The following ADAMTS2 variants were observed in gnomAD, a reference collection of about 807,000 sequenced individuals.
ADAMTS2 encodes the protein A disintegrin and metalloproteinase with thrombospondin motifs 2.
Under a neutral mutation model 123.0 loss-of-function variants are expected in ADAMTS2, and 50 were observed. The observed-to-expected ratio is 0.41, with a 90% confidence interval of 0.32 to 0.51. ADAMTS2 has a LOEUF of 0.51. Among genes scored for constraint, ADAMTS2 ranks in the 20% least tolerant of loss-of-function variants. The pLI, the probability that ADAMTS2 is intolerant of heterozygous loss-of-function variation, is 0.35. For missense variants in ADAMTS2, 1,494 were observed against 1,705.2 expected (o/e 0.88, Z 2.18); for synonymous variants, 678 against 695.4 (o/e 0.98, Z 0.39).
chr5:179,132,245 T>C lies in ADAMTS2; in HGVS notation c.2275A>G (p.Thr759Ala). Reference sequence around the variant, plus strand: ...TGAGACTCACCCAGATGGTGGCTGGTGGCGTCTACCTCCTGAATGAGCAGG... The same window carrying C: ...TGAGACTCACCCAGATGGTGGCTGGCGGCGTCTACCTCCTGAATGAGCAGG... ...RHLLIQEVDA[T>A]SHHLAVKNLE... Residue 759 changes from threonine (T) to alanine (A), a missense_variant, in exon 15 of 22, where the codon ACC becomes GCC. Physicochemically the swap from Thr to Ala is moderately conservative, Grantham distance 58. Around this residue, in one of 6 missense-constraint regions of ADAMTS2, gnomAD observed 953 missense variants for 1,124.7 expected, o/e 0.85. Transcript: ENST00000251582. The surrounding 1 kb of genome is among the most constrained non-coding windows in gnomAD (Gnocchi z 6.1). The C allele has an allele frequency of 6.2e-7, 1 of 1,614,090 alleles. No homozygotes were observed. The highest frequency in any genetic ancestry group is 2.2e-5 in the East Asian group (1 of 44,874).
chr5:179,138,086 C>T, intron 11 of ADAMTS2, 142 bp from the exon 12 acceptor site: 1 of 915,296 alleles, frequency 1.1e-6, no homozygotes, highest in Non-Finnish European at 1.7e-6. Context: ...GGACCTTGCC[C>T]TGCCATGTCC....
chr5:179,311,719 C>T (rs1756837242), intron 2 of ADAMTS2, among the ~76,000 whole-genome samples: 1 of 152,094 alleles, frequency 6.6e-6, no homozygotes, highest in African/African-American at 2.4e-5. Context: ...AATCCCCGAC[C>T]CCTGATGTTG....
chr5:179,194,759 T>G (rs1764381308), intron 4 of ADAMTS2, among the ~76,000 whole-genome samples: 1 of 152,102 alleles, frequency 6.6e-6, no homozygotes, highest in Non-Finnish European at 1.5e-5. Flanking sequence ...GGCAAGGTAG[T>G]GAGGTCACAG....
chr5:179,274,540 C>CG (rs1426927865), intron 2 of ADAMTS2, among the ~76,000 whole-genome samples: 2 of 152,172 alleles, frequency 1.3e-5, no homozygotes, highest in Admixed American at 6.5e-5. Flanking sequence ...GAAACCACAC[C>CG]CCCCCCAAAG....
intron 2 of ADAMTS2, among the ~76,000 whole-genome samples, chr5:179,318,413 A>G (rs1757061686): frequency 6.6e-6 from 1 of 150,700 alleles, no homozygotes; most frequent in Non-Finnish European, 1.5e-5. Context: ...GGAGAGAAGG[A>G]GATGCCGGGC....
In ADAMTS2 at chr5:179,234,945, A is replaced by T. The variant is rs1581209999; in HGVS notation, c.689-27230T>A. Among the ~76,000 whole-genome samples the T allele has an allele frequency of 6.6e-6, 1 of 152,128 alleles. No homozygotes were observed. Among genetic ancestry groups the T allele is most frequent in the Non-Finnish European group, 1.5e-5 (1 of 68,030 alleles). On this transcript the variant is annotated intron_variant, in intron 3 of 21. Transcript: ENST00000251582. The surrounding 1 kb of genome is among the most constrained non-coding windows in gnomAD (Gnocchi z 4.7). Reference sequence around the variant, plus strand: ...TGGCTAGGGCCTCCTGATGGGCCTGACCTGCCTGCCAACCCTCCCAGGGAC... The same window carrying T: ...TGGCTAGGGCCTCCTGATGGGCCTGTCCTGCCTGCCAACCCTCCCAGGGAC...
chr5:179,137,705 C>G, intron 12 of ADAMTS2, 64 bp downstream of exon 12: 1 of 1,492,330 alleles, frequency 6.7e-7, no homozygotes, highest in Non-Finnish European at 9.0e-7. Flanking sequence ...GGCACAAGCC[C>G]CCACCCTGCC....
rs1011888459 is a variant in ADAMTS2 at position 179,128,277 on chromosome 5, G to A, written c.2458-159C>T. On this transcript the variant is annotated intron_variant, in intron 16 of 21. Transcript: ENST00000251582. The surrounding 1 kb of genome is among the most constrained non-coding windows in gnomAD (Gnocchi z 4.9). ...CCCGAGCACCAAATTCTTGAATAGGGAGCCATTACCCCAGGGGGCACAGGG... is the reference window on the plus strand; with the variant it reads ...CCCGAGCACCAAATTCTTGAATAGGAAGCCATTACCCCAGGGGGCACAGGG... Among the ~76,000 whole-genome samples the A allele has an allele frequency of 1.3e-5, 2 of 152,160 alleles. No homozygotes were observed. Among genetic ancestry groups the A allele is most frequent in the Admixed American group, 6.5e-5 (1 of 15,278 alleles).
intron 2 of ADAMTS2, among the ~76,000 whole-genome samples, chr5:179,299,951 A>G (rs1309768231): frequency 1.3e-5 from 2 of 151,968 alleles, no homozygotes; most frequent in Admixed American, 6.5e-5. Flanking sequence ...AAAATTAGCC[A>G]GGCGTGGTGG....
At chr5:179,198,811 G>A (rs1764490891) in intron 4 of ADAMTS2, among the ~76,000 whole-genome samples, 1 of 151,504 alleles carries the variant, frequency 6.6e-6, no homozygotes, top group African/African-American at 2.4e-5. Context: ...TCCAGCCCGG[G>A]CGACAGAGCA....
Position 179,128,161 on chromosome 5 carries a change from A to G in ADAMTS2, c.2458-43T>C, listed in dbSNP as rs78784112. The G allele has an allele frequency of 2.5e-4, 408 of 1,608,000 alleles. 3 individuals carry two copies. In the East Asian group the frequency reaches 5.8e-3, roughly 23 times the overall value. Reference sequence around the variant, plus strand: ...CCTTGATGTGCCTGACCTGCCCTCCATGCTTCCTCCCCAGCCAGCTTAGGA... The same window carrying G: ...CCTTGATGTGCCTGACCTGCCCTCCGTGCTTCCTCCCCAGCCAGCTTAGGA... On this transcript the variant is annotated intron_variant, in intron 16 of 21. Coordinates refer to ENST00000251582, the MANE Select transcript of ADAMTS2 (RefSeq NM_014244.5). The surrounding 1 kb of genome is among the most constrained non-coding windows in gnomAD (Gnocchi z 4.9).
intron 10 of ADAMTS2, among the ~76,000 whole-genome samples, chr5:179,143,779 T>C (rs919544019): frequency 6.6e-6 from 1 of 152,242 alleles, no homozygotes; most frequent in Non-Finnish European, 1.5e-5. Context: ...TTGAAGTCAG[T>C]CATTTTTCTT....
chr5:179,119,673 C>G (rs532246316), intron 21 of ADAMTS2, among the ~76,000 whole-genome samples: 1 of 152,212 alleles, frequency 6.6e-6, no homozygotes, highest in Non-Finnish European at 1.5e-5. Flanking sequence ...CCACCTGAGC[C>G]GGATGGGCAC....
chr5:179,122,101 T>C (rs1762774136), intron 20 of ADAMTS2, among the ~76,000 whole-genome samples: 1 of 151,770 alleles, frequency 6.6e-6, no homozygotes, highest in African/African-American at 2.4e-5. Flanking sequence ...GGACAGAGAG[T>C]GCCAGGGGAA....
chr5:179,139,958 C>G lies in ADAMTS2; in HGVS notation c.1707G>C (p.Pro569=), dbSNP rs749970172. 1.2e-6 allele frequency: 2 copies of G among 1,613,816 alleles called. No individual in the cohort carries two copies. Among genetic ancestry groups the G allele is most frequent in the Admixed American group, 3.3e-5 (2 of 60,030 alleles). Residue 569 remains proline, a synonymous_variant, in exon 11 of 22, where the codon CCG becomes CCC. Transcript: ENST00000251582. ...CACAGGTACGTGAGCAGGAGCCAAA[C>G]GGACTCCAAGCGCCCCAGCTGCCGT... ...KRDGSWGAWS[P]FGSCSRTCGT...
At position 179,158,128 on chromosome 5, in the gene ADAMTS2, C is replaced by T. The variant is rs1002455609; in HGVS notation, c.1132+595G>A. 6.6e-6 allele frequency among the ~76,000 whole-genome samples: 1 copy of T among 152,048 alleles called. No homozygotes were observed. Among genetic ancestry groups the T allele is most frequent in the Admixed American group, 6.6e-5 (1 of 15,254 alleles). On this transcript the variant is annotated intron_variant, in intron 6 of 21. Transcript: ENST00000251582. This position sits in a 1 kb window ranked among gnomAD's most constrained non-coding sequence, Gnocchi z 5.0. The stretch of plus-strand genomic sequence containing the variant: ...TACAGGCGCCCGCCACCATGCCCTG[C>T]TAATTTTTTTGTATTTTTATTAGAG...
chr5:179,207,485 A>T, intron 4 of ADAMTS2, 28 bp downstream of exon 4: 1 of 587,016 alleles, frequency 1.7e-6, no homozygotes, highest in African/African-American at 3.5e-5. Flanking sequence ...TCCCCGCCCC[A>T]CCCTGCCCCC....
Position 179,122,784 on chromosome 5 carries a change from A to G in ADAMTS2, c.2959-11T>C, listed in dbSNP as rs770419188. The G allele has an allele frequency of 1.3e-6, 2 of 1,554,064 alleles. No homozygotes were observed. Among genetic ancestry groups the G allele is most frequent in the Non-Finnish European group, 8.7e-7 (1 of 1,149,130 alleles). ...ACAGGTTACTGAGCACTGCAGGGGG[A>G]GAGTCGCCAGGCAGGGTTCACCTCC... On this transcript the variant is annotated splice_polypyrimidine_tract_variant and intron_variant, in intron 19 of 21. Coordinates refer to ENST00000251582, the MANE Select transcript of ADAMTS2 (RefSeq NM_014244.5).
chr5:179,132,955 T>A lies in ADAMTS2; in HGVS notation c.2086-55A>T, dbSNP rs1762992067. Reference sequence around the variant, plus strand: ...AGACGTCCTGCTAGTAGAGTCAGGGTCATACTATGTTGCCCCCAGTCTCGA... The same window carrying A: ...AGACGTCCTGCTAGTAGAGTCAGGGACATACTATGTTGCCCCCAGTCTCGA... On this transcript the variant is annotated intron_variant, in intron 13 of 21. Coordinates refer to ENST00000251582, the MANE Select transcript of ADAMTS2 (RefSeq NM_014244.5). This position sits in a 1 kb window ranked among gnomAD's most constrained non-coding sequence, Gnocchi z 6.1. 1.3e-5 allele frequency: 21 copies of A among 1,592,606 alleles called. No homozygotes were observed. Among genetic ancestry groups the A allele is most frequent in the Non-Finnish European group, 1.7e-5 (20 of 1,170,360 alleles).
Sources: allele counts gnomAD v4.1 joint callset (sites outside exome capture counted in the v4.1 genomes callset), GRCh38; gene constraint gnomAD v4.1.1; regional missense constraint gnomAD v4.1.1; non-coding constraint Gnocchi (gnomAD v3.1); transcripts MANE v1.5; gene names NCBI Gene and HGNC (gene_info 2026-07-23, HGNC 2026-07-21).